Variants in LAMA3 observed in about 807,000 individuals in gnomAD.
The protein encoded by LAMA3 is laminin subunit alpha 3.
Under a neutral mutation model 402.0 loss-of-function variants are expected in LAMA3, and 281 were observed. The observed-to-expected ratio is 0.70, with a 90% CI of 0.63 to 0.77. LAMA3 has a LOEUF of 0.77. Ranked by LOEUF, LAMA3 falls within the 30% of genes least tolerant of loss-of-function variation. The pLI, the probability that LAMA3 is intolerant of heterozygous loss-of-function variation, is 0.00. For missense variants in LAMA3, 3,840 were observed against 4,215.5 expected (o/e 0.91, Z 2.47); for synonymous variants, 1,431 against 1,558.4 (o/e 0.92, Z 1.93).
chr18:23,832,295 A>C (rs545604817), intron 23 of LAMA3, among the ~76,000 whole-genome samples: 51 of 152,320 alleles, frequency 3.3e-4, no homozygotes, highest in Middle Eastern at 3.4e-3. Flanking sequence ...GCAGTGGCAG[A>C]GCCATATTTC....
At chr18:23,903,504 T>G (rs1326296625) in intron 49 of LAMA3, among the ~76,000 whole-genome samples, 2 of 152,206 alleles carry the variant, frequency 1.3e-5, no homozygotes, top group Non-Finnish European at 2.9e-5. Flanking sequence ...TTATAATAAC[T>G]ATTTCTTTTT....
chr18:23,762,586 C>T (rs1351633496), intron 7 of LAMA3, among the ~76,000 whole-genome samples: 2 of 149,070 alleles, frequency 1.3e-5, no homozygotes, highest in South Asian at 2.1e-4. Context: ...GAGACTGTCA[C>T]CAAAAAAAAA....
intron 2 of LAMA3, among the ~76,000 whole-genome samples, chr18:23,743,490 C>T (rs768178495): frequency 6.6e-6 from 1 of 152,170 alleles, no homozygotes; most frequent in Non-Finnish European, 1.5e-5. Flanking sequence ...ACACCTATTA[C>T]ATGCAGTCAG....
chr18:23,865,173 T>A (rs529463256), intron 36 of LAMA3, among the ~76,000 whole-genome samples: 1 of 152,326 alleles, frequency 6.6e-6, no homozygotes, highest in East Asian at 1.9e-4. Context: ...TTTTTTATCT[T>A]TGTAGAGACA....
chr18:23,877,565 A>T (rs191345782), intron 39 of LAMA3, among the ~76,000 whole-genome samples: 30 of 152,316 alleles, frequency 2.0e-4, no homozygotes, highest in Admixed American at 1.5e-3. Context: ...TTCAAGTATG[A>T]GTTCCTAGAC....
In LAMA3 at chr18:23,864,711, G is replaced by C; in HGVS notation, c.4585-74G>C. The C allele has an allele frequency of 3.1e-6, 3 of 961,332 alleles. No homozygotes were observed. In the East Asian group the frequency reaches 7.2e-5, roughly 23 times the overall value. The allele number at this position is 961,332 out of a possible 1,614,324, so 59.6% of individuals were successfully genotyped here. On this transcript the variant is annotated intron_variant, in intron 35 of 74. Transcript: ENST00000313654. ...CTTTCCACACCTTGTGTGCCTAAGT[G>C]CTTTTCATGCGGGTTGATGTTGACA...
chr18:23,729,116 GTGTGTA>G (rs1172492619), intron 2 of LAMA3, among the ~76,000 whole-genome samples: 7 of 63,834 alleles, frequency 1.1e-4, no homozygotes, highest in East Asian at 8.9e-4. Context: ...GATGTATTGT[GTGTGTA>G]TGTGTGTGTG....
chr18:23,940,902 AG>A (rs2082480801), intron 68 of LAMA3, among the ~76,000 whole-genome samples: 1 of 151,158 alleles, frequency 6.6e-6, no homozygotes, highest in Non-Finnish European at 1.5e-5. Context: ...CTCTTGGTCA[AG>A]CTGACCTTAA....
chr18:23,735,373 C>A (rs1389749260), intron 2 of LAMA3, among the ~76,000 whole-genome samples: 2 of 152,218 alleles, frequency 1.3e-5, no homozygotes, highest in African/African-American at 4.8e-5. Flanking sequence ...TCTGTCTCCA[C>A]AGGAAGAAGT....
At chr18:23,824,285 A>G in intron 20 of LAMA3, 138 bp from the exon 21 acceptor site, 1 of 838,726 alleles carries the variant, frequency 1.2e-6, no homozygotes, top group Non-Finnish European at 2.0e-6. Context: ...ATTTTTAAAG[A>G]TAAGATCAGT....
At chr18:23,720,893 A>C (rs2061199619) in intron 2 of LAMA3, among the ~76,000 whole-genome samples, 2 of 152,152 alleles carry the variant, frequency 1.3e-5, no homozygotes, top group African/African-American at 2.4e-5. Flanking sequence ...GCAGTGTCTC[A>C]TGTCTATAAT....
chr18:23,882,178 T>C (rs2064921365), intron 40 of LAMA3, 133 bp downstream of exon 40: 1 of 704,120 alleles, frequency 1.4e-6, no homozygotes, highest in East Asian at 2.7e-5. Context: ...TTTGAAGGGA[T>C]GAAAACATTT....
chr18:23,824,955 T>C (rs1383482716), intron 21 of LAMA3, among the ~76,000 whole-genome samples: 1 of 152,168 alleles, frequency 6.6e-6, no homozygotes, highest in Non-Finnish European at 1.5e-5. Flanking sequence ...CCTCACATCA[T>C]AAGAACTAGC....
rs80268893 is a variant in LAMA3, at chr18:23,831,042, A to G, written c.2824-2786A>G. Among the ~76,000 whole-genome samples, 1,520 of 152,186 alleles carry G rather than the reference A, an allele frequency of 1.0e-2. 20 individuals carry two copies. The highest frequency in any genetic ancestry group is 0.017 in the Non-Finnish European group (1,134 of 67,994). ...TTCTCCAATTCTTTCCCGCACCCAA[A>G]CTAATCTATCTGTGAGTGTACATCC... On this transcript the variant is annotated intron_variant, in intron 23 of 74. Coordinates refer to ENST00000313654, the MANE Select transcript of LAMA3 (RefSeq NM_198129.4).
intron 12 of LAMA3, among the ~76,000 whole-genome samples, chr18:23,798,313 A>G (rs377430754): frequency 5.9e-5 from 9 of 152,154 alleles, no homozygotes; most frequent in African/African-American, 2.2e-4. Context: ...CCCCACCGAC[A>G]TGACCTGACC....
At chr18:23,757,709 C>T (rs987556844) in intron 6 of LAMA3, among the ~76,000 whole-genome samples, 13 of 152,214 alleles carry the variant, frequency 8.5e-5, no homozygotes, top group African/African-American at 2.9e-4. Flanking sequence ...AATCCTCTTT[C>T]AAGTACGGAA....
At chr18:23,805,608 A>G (rs1422858088) in intron 12 of LAMA3, among the ~76,000 whole-genome samples, 1 of 152,186 alleles carries the variant, frequency 6.6e-6, no homozygotes, top group African/African-American at 2.4e-5. Flanking sequence ...TGCCCTCATT[A>G]TAAGATGGAC....
At chr18:23,690,078 G>A in intron 1 of LAMA3, 101 bp downstream of exon 1, 3 of 944,166 alleles carry the variant, frequency 3.2e-6, no homozygotes, top group Non-Finnish European at 4.4e-6. Context: ...GCGCGCTAGT[G>A]GCTCCGGGCG....
intron 13 of LAMA3, among the ~76,000 whole-genome samples, chr18:23,811,072 T>G (rs1438220246): frequency 6.6e-6 from 1 of 151,946 alleles, no homozygotes; most frequent in Non-Finnish European, 1.5e-5. Context: ...TCTATGCAGT[T>G]TGGAGAGAGT....
Sources: allele counts gnomAD v4.1 joint callset (sites outside exome capture counted in the v4.1 genomes callset), GRCh38; gene constraint gnomAD v4.1.1; transcripts MANE v1.5; gene names NCBI Gene and HGNC (gene_info 2026-07-23, HGNC 2026-07-21).